CMTM4: variants seen among roughly 807,000 people sequenced by gnomAD.
CMTM4 encodes CKLF-like MARVEL transmembrane domain-containing protein 4.
In CMTM4, 8 loss-of-function variants were observed where a neutral mutation model predicts 19.0. The ratio of observed to expected loss-of-function variants is 0.42; its 90% CI spans 0.25 to 0.76. CMTM4 has a LOEUF of 0.76. Ranked by LOEUF, CMTM4 falls within the 30% of genes least tolerant of loss-of-function variation. The pLI is 0.27. For missense variants in CMTM4, 228 were observed against 290.2 expected, an observed-to-expected ratio of 0.79 and a Z score of 1.56; for synonymous variants, 106 against 121.1, an observed-to-expected ratio of 0.88 and a Z score of 0.82.
At chr16:66,695,484 A>T (rs2017216721) in intron 1 of CMTM4, among the ~76,000 whole-genome samples, 1 of 152,224 alleles carries the variant, frequency 6.6e-6, no homozygotes, top group Non-Finnish European at 1.5e-5. Flanking sequence ...GAATTAGAGC[A>T]TGCCCACAAC....
chr16:66,617,283 A>G lies in CMTM4; in HGVS notation c.*4775T>C. 1 of 1,614,108 alleles carries G rather than the reference A, an allele frequency of 6.2e-7. No individual in the cohort carries two copies. Among genetic ancestry groups the G allele is most frequent in the Non-Finnish European group, 8.5e-7 (1 of 1,179,988 alleles). ...ACCCATCATCTGAACTTTTCTAGGC[A>G]AGTTGCCAGTGATTCAAACTCAGCA... On this transcript the variant is annotated 3_prime_UTR_variant, in exon 4 of 4. Coordinates refer to ENST00000394106, the MANE Select transcript of CMTM4 (RefSeq NM_181521.3).
intron 1 of CMTM4, among the ~76,000 whole-genome samples, chr16:66,648,074 G>A (rs766441504): frequency 2.6e-5 from 4 of 152,134 alleles, no homozygotes; most frequent in African/African-American, 4.8e-5. Context: ...CACCTTCCCC[G>A]CATCCTTTGA....
intron 1 of CMTM4, among the ~76,000 whole-genome samples, chr16:66,676,635 G>A (rs1467871651): frequency 1.3e-5 from 2 of 152,074 alleles, no homozygotes; most frequent in African/African-American, 2.4e-5. Context: ...TTGACCCTTC[G>A]TTATTGATTT....
At position 66,619,684 on chromosome 16, in the gene CMTM4, T is replaced by C. The variant is rs1429623668; in HGVS notation, c.*2374A>G. ...TCGTCACCACGTGGTCTATACATGA[T>C]GACATGTGCAACCACACATTACATC... On this transcript the variant is annotated 3_prime_UTR_variant, in exon 4 of 4. Transcript: ENST00000394106. 1.0e-6 allele frequency: 1 copy of C among 985,274 alleles called. No individual in the cohort carries two copies. Among genetic ancestry groups the C allele is most frequent in the African/African-American group, 1.7e-5 (1 of 57,220 alleles). 61.0% of individuals were successfully genotyped at this position (985,274 alleles called of 1,614,324 possible).
chr16:66,678,001 A>G (rs1455384428), intron 1 of CMTM4, among the ~76,000 whole-genome samples: 1 of 152,074 alleles, frequency 6.6e-6, no homozygotes, highest in Admixed American at 6.6e-5. Flanking sequence ...CCCGGCCTCA[A>G]GATCTATTTT....
At chr16:66,668,495 G>A (rs571919851) in intron 1 of CMTM4, among the ~76,000 whole-genome samples, 1 of 152,006 alleles carries the variant, frequency 6.6e-6, no homozygotes, top group Non-Finnish European at 1.5e-5. Flanking sequence ...ATTTTTTGTT[G>A]ATCCTAAAGT....
chr16:66,667,289 C>G (rs898192966), intron 1 of CMTM4, among the ~76,000 whole-genome samples: 2 of 151,904 alleles, frequency 1.3e-5, no homozygotes, highest in Non-Finnish European at 2.9e-5. Context: ...GGCACCACAG[C>G]ACTCCAGCCT....
chr16:66,683,181 G>GTGTATA (rs2016964243), intron 1 of CMTM4, among the ~76,000 whole-genome samples: 5 of 124,440 alleles, frequency 4.0e-5, no homozygotes, highest in African/African-American at 1.6e-4. Context: ...ATATACATAT[G>GTGTATA]TATATATATA....
At chr16:66,636,711 T>C (rs2015998804) in intron 1 of CMTM4, 130 bp from the exon 2 acceptor site, 1 of 717,692 alleles carries the variant, frequency 1.4e-6, no homozygotes, top group Non-Finnish European at 2.3e-6. Flanking sequence ...GGGACAGCAG[T>C]GTAACTGTCG....
chr16:66,695,301 C>T (rs1433632222), intron 1 of CMTM4, among the ~76,000 whole-genome samples: 1 of 151,992 alleles, frequency 6.6e-6, no homozygotes, highest in Non-Finnish European at 1.5e-5. Context: ...GAGCCACGAT[C>T]GCACCAGTGC....
chr16:66,695,897 C>T (rs1047123429), intron 1 of CMTM4, among the ~76,000 whole-genome samples: 2 of 152,220 alleles, frequency 1.3e-5, no homozygotes, highest in Non-Finnish European at 2.9e-5. Context: ...AGCTAGACAT[C>T]AAGTGGGAAC....
intron 1 of CMTM4, among the ~76,000 whole-genome samples, chr16:66,693,247 C>A (rs955196026): frequency 1.3e-5 from 2 of 152,030 alleles, no homozygotes; most frequent in Non-Finnish European, 2.9e-5. Context: ...AACATACACA[C>A]CACTAAATTT....
chr16:66,652,014 G>C (rs541083885), intron 1 of CMTM4, among the ~76,000 whole-genome samples: 2 of 152,312 alleles, frequency 1.3e-5, no homozygotes, highest in South Asian at 4.1e-4. Flanking sequence ...GGGTAGCAAA[G>C]AAGTAATAGA....
At chr16:66,653,731 T>C (rs2016351783) in intron 1 of CMTM4, among the ~76,000 whole-genome samples, 1 of 152,116 alleles carries the variant, frequency 6.6e-6, no homozygotes, top group South Asian at 2.1e-4. Flanking sequence ...CATGGTTGGT[T>C]GGGTTTTGTT....
chr16:66,682,996 T>C (rs1311896817), intron 1 of CMTM4, among the ~76,000 whole-genome samples: 1 of 151,714 alleles, frequency 6.6e-6, no homozygotes. Context: ...AAATCTTCTG[T>C]TTCCTAGTAG....
chr16:66,664,891 G>C (rs2016564055), intron 1 of CMTM4, among the ~76,000 whole-genome samples: 1 of 152,054 alleles, frequency 6.6e-6, no homozygotes, highest in Admixed American at 6.6e-5. Flanking sequence ...ACTTTGGGAG[G>C]CCAAAGCAGG....
In CMTM4 at chr16:66,617,316, G is replaced by A; in HGVS notation, c.*4742C>T. The A allele has an allele frequency of 1.9e-6, 3 of 1,614,072 alleles. No homozygotes were observed. Among genetic ancestry groups the A allele is most frequent in the Non-Finnish European group, 2.5e-6 (3 of 1,180,010 alleles). On this transcript the variant is annotated 3_prime_UTR_variant, in exon 4 of 4. Transcript: ENST00000394106. The stretch of plus-strand genomic sequence containing the variant: ...AGTGATTCAAACTCAGCAGGTTTGT[G>A]GGTGATTTTTTCCTTACTGTTACGT...
intron 1 of CMTM4, among the ~76,000 whole-genome samples, chr16:66,663,861 C>G (rs2016544808): frequency 6.6e-6 from 1 of 152,094 alleles, no homozygotes; most frequent in East Asian, 1.9e-4. Context: ...TTTATATCTT[C>G]TATTTCTTAG....
Position 66,618,511 on chromosome 16 carries a change from G to C in CMTM4, c.*3547C>G. On this transcript the variant is annotated 3_prime_UTR_variant, in exon 4 of 4. Coordinates refer to ENST00000394106, the MANE Select transcript of CMTM4 (RefSeq NM_181521.3). Reference sequence around the variant, plus strand: ...GGATTAGACCTCAGTCCACCTCTCAGAGCACATGGATAGGTGACGGGTTTC... The same window carrying C: ...GGATTAGACCTCAGTCCACCTCTCACAGCACATGGATAGGTGACGGGTTTC... 1 of 985,482 alleles carries C rather than the reference G, an allele frequency of 1.0e-6. No homozygotes were observed. The highest frequency in any genetic ancestry group is 1.2e-6 in the Non-Finnish European group (1 of 829,974). The allele number at this position is 985,482 out of a possible 1,614,324, so 61.0% of individuals were successfully genotyped here.
Sources: gnomAD v4.1 joint callset for allele counts (sites outside exome capture counted in the v4.1 genomes callset) on GRCh38, gnomAD v4.1.1 for gene constraint, MANE v1.5 for transcripts, NCBI Gene and HGNC (gene_info 2026-07-23, HGNC 2026-07-21) for gene names.